NOL7: variants seen among roughly 807,000 people sequenced by gnomAD.
The protein encoded by NOL7 is nucleolar protein 7.
Under a neutral mutation model 38.4 loss-of-function variants are expected in NOL7, and 36 were observed. The observed-to-expected ratio is 0.94, with a 90% CI of 0.72 to 1.24. The LOEUF (loss-of-function observed/expected upper bound fraction) is 1.24, where lower values mean the gene tolerates loss of function less well. NOL7 is among the 50% of genes most tolerant of loss of function. The pLI is 0.00. For synonymous variants in NOL7, 142 were observed against 126.5 expected (o/e 1.12, Z -0.82); for missense variants, 350 against 315.1 (o/e 1.11, Z -0.84).
downstream of NOL7, among the ~76,000 whole-genome samples, chr6:13,623,136 C>CA (rs1290854217): frequency 1.3e-5 from 2 of 152,144 alleles, no homozygotes; most frequent in Non-Finnish European, 2.9e-5. Flanking sequence ...GTTTCTTTGT[C>CA]AGACATTTGT....
downstream of NOL7, chr6:13,625,506 T>G: frequency 2.2e-6 from 1 of 457,048 alleles, no homozygotes; most frequent in East Asian, 3.4e-5. Context: ...AAGGAGGGGG[T>G]TTCTATATTT....
Position 13,615,375 on chromosome 6 carries a change from CGCGAGCGTCTCGCGCCCCG to C in NOL7, c.21_39del (p.Ala8ArgfsTer54). The C allele has an allele frequency of 6.6e-7, 1 of 1,514,044 alleles. No individual in the cohort carries two copies. The highest frequency in any genetic ancestry group is 8.8e-7 in the Non-Finnish European group (1 of 1,133,430). 93.8% of individuals were successfully genotyped at this position (1,514,044 alleles called of 1,614,324 possible). ...GCGTGGGCCATGGTGCAGCTCCGAC[CGCGAGCGTCTCGCGCCCCG>C]GCGTCGGCGGAGGCGATGGTGGACG... On this transcript the variant is annotated frameshift_variant, in exon 1 of 8. Coordinates refer to ENST00000451315, the MANE Select transcript of NOL7 (RefSeq NM_016167.5). LOFTEE classifies it high-confidence loss of function.
In NOL7 at chr6:13,615,418, C is replaced by A; in HGVS notation, c.60C>A (p.Asp20Glu). 6.5e-7 allele frequency: 1 copy of A among 1,545,340 alleles called. No homozygotes were observed. The highest frequency in any genetic ancestry group is 8.7e-7 in the Non-Finnish European group (1 of 1,145,116). ...RAPASAEAMVDEGQLASEEEE... is the reference protein window; with the variant it reads ...RAPASAEAMVEEGQLASEEEE... Reference sequence around the variant, plus strand: ...CGGCGTCGGCGGAGGCGATGGTGGACGAGGGCCAGCTGGCCTCGGAGGAGG... The same window carrying A: ...CGGCGTCGGCGGAGGCGATGGTGGAAGAGGGCCAGCTGGCCTCGGAGGAGG... The change falls in exon 1 of 8, where the codon GAC (aspartate) becomes GAA (glutamate). Residue 20 changes from aspartate (D) to glutamate (E), a missense_variant. By Grantham distance (45) the Asp-to-Glu change is conservative. Transcript: ENST00000451315.
chr6:13,616,862 G>A (rs1420108608), intron 3 of NOL7, among the ~76,000 whole-genome samples: 1 of 152,156 alleles, frequency 6.6e-6, no homozygotes, highest in Non-Finnish European at 1.5e-5. Context: ...CTTATCCACA[G>A]GCTCTGAAAA....
intron 8 of NOL7, among the ~76,000 whole-genome samples, chr6:13,631,458 T>C (rs894470969): frequency 2.6e-5 from 4 of 152,216 alleles, no homozygotes; most frequent in East Asian, 1.9e-4. Flanking sequence ...CCAATGAGCA[T>C]ATCCTTGTGT....
downstream of NOL7, chr6:13,625,839 A>G: frequency 9.1e-7 from 1 of 1,103,320 alleles, no homozygotes; most frequent in Non-Finnish European, 1.4e-6. Context: ...CCAAGTTGAG[A>G]GGTAAAATAT....
intron 8 of NOL7, among the ~76,000 whole-genome samples, chr6:13,629,231 C>T (rs1562295972): frequency 6.6e-6 from 1 of 152,200 alleles, no homozygotes; most frequent in Non-Finnish European, 1.5e-5. Context: ...CTGCCTCAGC[C>T]TCCCAAAGTG....
intron 8 of NOL7, among the ~76,000 whole-genome samples, chr6:13,631,231 G>C (rs2127761005): frequency 6.6e-6 from 1 of 152,222 alleles, no homozygotes; most frequent in East Asian, 1.9e-4. Flanking sequence ...ATACTATGGA[G>C]TAGATGAAGT....
exon 9 of NOL7, chr6:13,632,409 T>A (rs147635155): frequency 1.2e-6 from 2 of 1,612,304 alleles, no homozygotes; most frequent in Non-Finnish European, 1.7e-6. Flanking sequence ...TGCCACAGTC[T>A]CTCCTTAGCT....
chr6:13,628,239 T>C lies in NOL7; in HGVS notation n.574-4154T>C, dbSNP rs577901842. Among the ~76,000 whole-genome samples, 3 of 152,332 alleles carry C rather than the reference T, an allele frequency of 2.0e-5. No individual in the cohort carries two copies. In the South Asian group the frequency reaches 6.2e-4, roughly 32 times the overall value. ...GAAGAAAAAACATCTAAAATTTTTC[T>C]CTGGTATTTCATTTTCAGTACAGTT... On this transcript the variant is annotated intron_variant and non_coding_transcript_variant, in intron 8 of 8. Transcript: ENST00000474485.
At chr6:13,617,746 A>G (rs372783344) in intron 3 of NOL7, 24 bp from the exon 4 acceptor site, 1 of 1,611,488 alleles carries the variant, frequency 6.2e-7, no homozygotes, top group Non-Finnish European at 8.5e-7. Context: ...CATTGCAGTC[A>G]GTGGTTTTGT....
At chr6:13,615,659 C>G (rs199699569) in intron 1 of NOL7, 35 bp downstream of exon 1, 1 of 1,613,374 alleles carries the variant, frequency 6.2e-7, no homozygotes, top group East Asian at 2.2e-5. Flanking sequence ...GAGAACCGCC[C>G]TTTCTCGTCC....
At chr6:13,615,829 T>C in intron 2 of NOL7, 57 bp downstream of exon 2, 1 of 1,519,990 alleles carries the variant, frequency 6.6e-7, no homozygotes, top group South Asian at 1.2e-5. Context: ...GGAGAATTCC[T>C]ATGGTGGATG....
chr6:13,622,272 T>TA (rs1341414440), downstream of NOL7: 3 of 1,300,440 alleles, frequency 2.3e-6, no homozygotes, highest in South Asian at 5.5e-5. Context: ...GTACATAATT[T>TA]AAAAAATCTA....
At position 13,618,243 on chromosome 6, in the gene NOL7, A is replaced by T. The variant is rs534600428; in HGVS notation, c.500+104A>T. 1,177 of 355,530 alleles carry T rather than the reference A, an allele frequency of 3.3e-3. 9 individuals are homozygous for T. The highest frequency in any genetic ancestry group is 0.023 in the African/African-American group (1,070 of 46,358). The allele number at this position is 355,530 out of a possible 1,614,324, so 22.0% of individuals were successfully genotyped here. On this transcript the variant is annotated intron_variant, in intron 5 of 7. Coordinates refer to ENST00000451315, the MANE Select transcript of NOL7 (RefSeq NM_016167.5). ...TTTTATTTTATTTTATTTTATTTTT[A>T]TTTTTTTATTTTTTTGAGACGGAGT...
Position 13,615,790 on chromosome 6 carries a change from A to AC in NOL7, c.327+18_327+19insC, listed in dbSNP as rs766740025. The AC allele has an allele frequency of 2.2e-5, 35 of 1,601,752 alleles. No homozygotes were observed. In the East Asian group the frequency reaches 7.1e-4, roughly 33 times the overall value. On this transcript the variant is annotated intron_variant, in intron 2 of 7. Transcript: ENST00000451315. ...AACAGAAGGTTAGAGGCTAGGGAGG[A>AC]GGTGTCTTATTAAAACAACTCGGCT...
At chr6:13,615,962 G>A (rs1459368916) in intron 2 of NOL7, among the ~76,000 whole-genome samples, 190 bp downstream of exon 2, 1 of 151,654 alleles carries the variant, frequency 6.6e-6, no homozygotes. Flanking sequence ...GCGGAGCCCG[G>A]GATGTCGAGG....
chr6:13,622,275 A>G, downstream of NOL7: 1 of 1,312,750 alleles, frequency 7.6e-7, no homozygotes, highest in Non-Finnish European at 9.9e-7. Context: ...CATAATTTAA[A>G]AAATCTAAAT....
chr6:13,617,656 G>C lies in NOL7; in HGVS notation c.387-114G>C, dbSNP rs932835906. ...ATGAGAGCTCCTGAGTAGAAATTGA[G>C]GGTGTTGGTAATGAAAGGGGGTGTC... On this transcript the variant is annotated intron_variant, in intron 3 of 7. Coordinates refer to ENST00000451315, the MANE Select transcript of NOL7 (RefSeq NM_016167.5). 21 of 899,386 alleles carry C rather than the reference G, an allele frequency of 2.3e-5. No individual in the cohort carries two copies. The African/African-American group carries it at 3.5e-4, about 15-fold the overall frequency. 55.7% of individuals were successfully genotyped at this position (899,386 alleles called of 1,614,324 possible). A position where few individuals can be genotyped will look rare whatever the true frequency, so the allele number is the denominator to read the frequency against.
Sources: allele counts gnomAD v4.1 joint callset (sites outside exome capture counted in the v4.1 genomes callset), GRCh38; gene constraint gnomAD v4.1.1; transcripts MANE v1.5; gene names NCBI Gene and HGNC (gene_info 2026-07-23, HGNC 2026-07-21).